EZH2: variants seen among roughly 807,000 people sequenced by gnomAD.
EZH2 encodes the protein enhancer of zeste 2 polycomb repressive complex 2 subunit, also known as histone-lysine N-methyltransferase EZH2.
In EZH2, 18 loss-of-function variants were observed where a neutral mutation model predicts 98.4. The ratio of observed to expected loss-of-function variants is 0.18; its 90% CI spans 0.13 to 0.27. EZH2 has a LOEUF of 0.27. Among genes scored for constraint, EZH2 ranks in the 10% least tolerant of loss-of-function variants. The pLI is 1.00. For missense variants in EZH2, 470 were observed against 935.1 expected, an observed-to-expected ratio of 0.50 and a Z score of 6.49; for synonymous variants, 338 against 312.3, an observed-to-expected ratio of 1.08 and a Z score of -0.87.
intron 14 of EZH2, 152 bp from the exon 15 acceptor site, chr7:148,814,289 T>C: frequency 1.5e-6 from 1 of 666,016 alleles, no homozygotes; most frequent in Non-Finnish European, 2.5e-6. Flanking sequence ...AATGGAAGTA[T>C]TAACAGCGAA....
At chr7:148,881,988 ACAC>A (rs1821061380) in intron 1 of EZH2, among the ~76,000 whole-genome samples, 1 of 151,314 alleles carries the variant, frequency 6.6e-6, no homozygotes, top group Non-Finnish European at 1.5e-5. Context: ...ACACACACAC[ACAC>A]ACACACACAT....
At chr7:148,813,900 C>T (rs1803856574) in intron 15 of EZH2, 59 bp downstream of exon 15, 1 of 1,534,346 alleles carries the variant, frequency 6.5e-7, no homozygotes, top group Admixed American at 1.8e-5. Context: ...GCAATCCTGA[C>T]ATTTGCATCA....
At chr7:148,881,950 ATACACACACACACACGCGCGCG>A (rs1821028482) in intron 1 of EZH2, among the ~76,000 whole-genome samples, 2 of 110,234 alleles carry the variant, frequency 1.8e-5, no homozygotes, top group Admixed American at 1.0e-4. Context: ...AAAAAAACAT[ATACACACACACACACGCGCGCG>A]CACACACACA....
chr7:148,831,718 T>C (rs951470305), intron 4 of EZH2, among the ~76,000 whole-genome samples: 4 of 152,228 alleles, frequency 2.6e-5, no homozygotes, highest in Non-Finnish European at 5.9e-5. Flanking sequence ...CTGTACAAAG[T>C]ATAAAAGTTA....
intron 3 of EZH2, among the ~76,000 whole-genome samples, chr7:148,834,598 A>C (rs1461432095): frequency 6.6e-6 from 1 of 152,186 alleles, no homozygotes; most frequent in African/African-American, 2.4e-5. Context: ...TGGAGTAGTT[A>C]GGAAGAACTG....
chr7:148,818,448 T>C (rs1805165989), intron 9 of EZH2, among the ~76,000 whole-genome samples: 1 of 152,210 alleles, frequency 6.6e-6, no homozygotes, highest in African/African-American at 2.4e-5. Flanking sequence ...CTTCATGTAA[T>C]AAAGGTAATT....
chr7:148,809,474 G>GTAACCA, intron 17 of EZH2, 84 bp from the exon 18 acceptor site: 1 of 1,062,818 alleles, frequency 9.4e-7, no homozygotes, highest in Non-Finnish European at 1.4e-6. Flanking sequence ...AAATGCAACT[G>GTAACCA]GTTACAGTTC....
chr7:148,845,329 T>C (rs1190333956), intron 3 of EZH2, among the ~76,000 whole-genome samples: 1 of 152,218 alleles, frequency 6.6e-6, no homozygotes, highest in African/African-American at 2.4e-5. Context: ...CCCATGCCAC[T>C]GACCTCTAAC....
At chr7:148,869,127 A>T (rs947636674) in intron 1 of EZH2, among the ~76,000 whole-genome samples, 1 of 149,188 alleles carries the variant, frequency 6.7e-6, no homozygotes, top group Non-Finnish European at 1.5e-5. Context: ...GCTTATAATC[A>T]GCATTAGATG....
rs769298548 is a variant in EZH2, at chr7:148,817,894, T to C, written c.1223A>G (p.Glu408Gly). The change falls in exon 10 of 20, where the codon GAA becomes GGA. Residue 408 changes from glutamate (E) to glycine (G), a missense_variant. Glu to Gly is a moderately conservative substitution (Grantham distance 98). Around this residue, in one of 6 missense-constraint regions of EZH2, gnomAD observed 192 missense variants for 306.8 expected, o/e 0.63. Coordinates refer to ENST00000320356, the MANE Select transcript of EZH2 (RefSeq NM_004456.5). ...NDKEEEEKKDETSSSSEANSR... is the reference protein window; with the variant it reads ...NDKEEEEKKDGTSSSSEANSR... ...TGTCTTACCAGAGGAGCTCGAAGTT[T>C]CATCTTTCTTCTCTTCTTCTTCTTT... 3.7e-6 allele frequency: 6 copies of C among 1,614,240 alleles called. No individual in the cohort carries two copies. The South Asian group carries it at 6.6e-5, about 18-fold the overall frequency.
intron 3 of EZH2, among the ~76,000 whole-genome samples, chr7:148,837,440 A>T (rs1385937815): frequency 6.6e-6 from 1 of 152,194 alleles, no homozygotes; most frequent in African/African-American, 2.4e-5. Flanking sequence ...GCTGGGGGTG[A>T]TTTCTGAAAC....
intron 3 of EZH2, among the ~76,000 whole-genome samples, chr7:148,838,041 C>G (rs961989794): frequency 2.7e-5 from 4 of 145,510 alleles, no homozygotes; most frequent in Non-Finnish European, 6.0e-5. Flanking sequence ...ATTTGGAATA[C>G]AGTATCGGGA....
intron 1 of EZH2, among the ~76,000 whole-genome samples, chr7:148,863,448 C>T (rs976275123): frequency 3.9e-5 from 6 of 151,998 alleles, no homozygotes; most frequent in Non-Finnish European, 7.4e-5. Flanking sequence ...TACTAAAATT[C>T]GTTTAAACAA....
chr7:148,845,218 T>A (rs140480232), intron 3 of EZH2, among the ~76,000 whole-genome samples: 1 of 152,194 alleles, frequency 6.6e-6, no homozygotes, highest in East Asian at 1.9e-4. Flanking sequence ...TCAACATTTC[T>A]AAAAGGTCAC....
At chr7:148,823,244 G>A (rs1806686374) in intron 8 of EZH2, among the ~76,000 whole-genome samples, 1 of 152,158 alleles carries the variant, frequency 6.6e-6, no homozygotes, top group Non-Finnish European at 1.5e-5. Flanking sequence ...TACCTAAATA[G>A]AGTTTATCAG....
At position 148,846,482 on chromosome 7, in the gene EZH2, G is replaced by A. The variant is rs140399505; in HGVS notation, c.234C>T (p.Arg78=). ...TATGTTAACCAACCTCCCTAGTCCC[G>A]CGCAATGAGCTCACAGAAGTCAGGA... ...VHILTSVSSL[R]GTRECSVTSD... Residue 78 remains arginine, a synonymous_variant, in exon 3 of 20, where the codon CGC becomes CGT. Transcript: ENST00000320356. 379 of 1,613,268 alleles carry A rather than the reference G, an allele frequency of 2.3e-4. No homozygotes were observed. Among genetic ancestry groups the A allele is most frequent in the Admixed American group, 3.5e-4 (21 of 59,914 alleles).
chr7:148,865,940 T>C (rs1348513483), intron 1 of EZH2, among the ~76,000 whole-genome samples: 1 of 152,178 alleles, frequency 6.6e-6, no homozygotes, highest in Non-Finnish European at 1.5e-5. Flanking sequence ...GAAGTACCAA[T>C]GTCTGCAAAG....
chr7:148,837,118 C>T (rs1372587528), intron 3 of EZH2: 1 of 379,858 alleles, frequency 2.6e-6, no homozygotes, highest in South Asian at 2.1e-5. Flanking sequence ...GGTATGACTC[C>T]CCATTTTACA....
chr7:148,835,211 G>C (rs1810561710), intron 3 of EZH2, among the ~76,000 whole-genome samples: 1 of 152,112 alleles, frequency 6.6e-6, no homozygotes, highest in South Asian at 2.1e-4. Flanking sequence ...CTTGAGCCCA[G>C]AAGTTCAAGA....
Sources: gnomAD v4.1 joint callset for allele counts (sites outside exome capture counted in the v4.1 genomes callset) on GRCh38, gnomAD v4.1.1 for gene constraint, gnomAD v4.1.1 regional missense constraint, MANE v1.5 for transcripts, NCBI Gene and HGNC (gene_info 2026-07-23, HGNC 2026-07-21) for gene names.